The following SLC39A11 variants were observed in gnomAD, a reference collection of about 807,000 sequenced individuals.
SLC39A11 encodes solute carrier family 39 member 11, also known as zinc transporter ZIP11.
A neutral mutation model predicts 36.1 loss-of-function variants in SLC39A11; 33 were observed. The observed-to-expected ratio is 0.91, with a 90% CI of 0.69 to 1.22. SLC39A11 has a LOEUF of 1.22. Ranked by LOEUF, SLC39A11 falls within the 50% of genes most tolerant of loss-of-function variation. The pLI is 0.00. For missense variants in SLC39A11, 432 were observed against 430.3 expected, an observed-to-expected ratio of 1.00 and a Z score of -0.03; for synonymous variants, 166 against 170.3, an observed-to-expected ratio of 0.97 and a Z score of 0.20.
intron 3 of SLC39A11, chr17:73,068,308 G>A (rs941269207): frequency 1.3e-5 from 8 of 603,768 alleles, no homozygotes; most frequent in South Asian, 1.2e-4. Flanking sequence ...GAGAGACTCC[G>A]GGGTCTTTCT....
chr17:72,737,472 A>G (rs2074479471), intron 6 of SLC39A11, among the ~76,000 whole-genome samples: 1 of 152,170 alleles, frequency 6.6e-6, no homozygotes, highest in Admixed American at 6.5e-5. Context: ...TGGAACTTTC[A>G]TAACCCCTGG....
At chr17:72,680,952 G>GT (rs1163150771) in intron 7 of SLC39A11, among the ~76,000 whole-genome samples, 1 of 152,044 alleles carries the variant, frequency 6.6e-6, no homozygotes, top group Non-Finnish European at 1.5e-5. Flanking sequence ...TTCTTTGTTT[G>GT]TTTTTTTGAG....
chr17:72,737,245 C>T (rs1293439954), intron 6 of SLC39A11, among the ~76,000 whole-genome samples: 1 of 151,404 alleles, frequency 6.6e-6, no homozygotes, highest in African/African-American at 2.4e-5. Flanking sequence ...CACTGCACTC[C>T]AGCCTGGGTG....
At chr17:72,892,125 A>C (rs2081779935) in intron 5 of SLC39A11, among the ~76,000 whole-genome samples, 1 of 152,176 alleles carries the variant, frequency 6.6e-6, no homozygotes, top group Non-Finnish European at 1.5e-5. Context: ...AATTATAAAA[A>C]GTTATTAGAG....
chr17:72,713,774 C>T (rs1417317212), intron 7 of SLC39A11, among the ~76,000 whole-genome samples: 1 of 152,182 alleles, frequency 6.6e-6, no homozygotes, highest in Non-Finnish European at 1.5e-5. Flanking sequence ...CATCCCTCAT[C>T]TGAGGGTGAT....
chr17:72,950,156 A>G (rs917115316), intron 4 of SLC39A11, among the ~76,000 whole-genome samples: 1 of 152,242 alleles, frequency 6.6e-6, no homozygotes, highest in Non-Finnish European at 1.5e-5. Flanking sequence ...CGCTACTGTC[A>G]TCACTTATTT....
intron 5 of SLC39A11, among the ~76,000 whole-genome samples, chr17:72,888,537 T>C (rs918121661): frequency 3.3e-5 from 5 of 152,202 alleles, no homozygotes; most frequent in Non-Finnish European, 7.3e-5. Context: ...TTAGAAGGCA[T>C]GATCTTTTCA....
At chr17:72,964,380 C>A (rs2086819251) in intron 4 of SLC39A11, among the ~76,000 whole-genome samples, 1 of 152,200 alleles carries the variant, frequency 6.6e-6, no homozygotes, top group Non-Finnish European at 1.5e-5. Flanking sequence ...TCCGCATCAG[C>A]CACCTAACAG....
chr17:72,692,158 C>T (rs776637967), intron 7 of SLC39A11, among the ~76,000 whole-genome samples: 1 of 152,032 alleles, frequency 6.6e-6, no homozygotes, highest in Non-Finnish European at 1.5e-5. Flanking sequence ...ACTACAGGTG[C>T]CTGCCACCAC....
chr17:72,880,144 C>G (rs899604865), intron 5 of SLC39A11, among the ~76,000 whole-genome samples: 15 of 152,218 alleles, frequency 9.9e-5, no homozygotes, highest in Non-Finnish European at 1.9e-4. Flanking sequence ...ATCCTAAGAG[C>G]TCCCTACTCC....
At chr17:72,866,273 A>G (rs2080298098) in intron 5 of SLC39A11, among the ~76,000 whole-genome samples, 1 of 152,206 alleles carries the variant, frequency 6.6e-6, no homozygotes, top group Non-Finnish European at 1.5e-5. Flanking sequence ...ATGAGAATCT[A>G]ATGCCTGATG....
chr17:72,877,561 T>C (rs2080973280), intron 5 of SLC39A11, among the ~76,000 whole-genome samples: 1 of 152,134 alleles, frequency 6.6e-6, no homozygotes, highest in South Asian at 2.1e-4. Context: ...CCCCATTTGC[T>C]CATGAGAGGT....
intron 3 of SLC39A11, among the ~76,000 whole-genome samples, chr17:73,039,960 G>A (rs1293214267): frequency 6.6e-6 from 1 of 152,170 alleles, no homozygotes; most frequent in Non-Finnish European, 1.5e-5. Context: ...AAGAAATTCT[G>A]CGGGCTACAG....
intron 4 of SLC39A11, among the ~76,000 whole-genome samples, chr17:73,004,189 A>T (rs529883978): frequency 1.0e-5 from 1 of 97,420 alleles, no homozygotes; most frequent in African/African-American, 4.1e-5. Flanking sequence ...GAAAGAAAGA[A>T]AGAAAGAAAG....
At chr17:72,988,767 G>T (rs568960697) in intron 4 of SLC39A11, among the ~76,000 whole-genome samples, 1 of 151,958 alleles carries the variant, frequency 6.6e-6, no homozygotes, top group South Asian at 2.1e-4. Context: ...GGAGTGCAGC[G>T]GCATGATCTC....
chr17:72,768,878 A>G (rs1474197597), intron 6 of SLC39A11, among the ~76,000 whole-genome samples: 1 of 151,966 alleles, frequency 6.6e-6, no homozygotes, highest in African/African-American at 2.4e-5. Context: ...CTCCTGCCTC[A>G]GCCTCCCGAG....
intron 5 of SLC39A11, among the ~76,000 whole-genome samples, chr17:72,857,333 A>G (rs2079698393): frequency 6.6e-6 from 1 of 152,140 alleles, no homozygotes; most frequent in East Asian, 1.9e-4. Flanking sequence ...TTATGGATGC[A>G]TAGTATTCCA....
chr17:72,872,486 C>T (rs958731805), intron 5 of SLC39A11, among the ~76,000 whole-genome samples: 1 of 152,182 alleles, frequency 6.6e-6, no homozygotes, highest in South Asian at 2.1e-4. Context: ...GGGGCAGTGG[C>T]GTAGCTCCTA....
Position 73,025,213 on chromosome 17 carries a change from A to G in SLC39A11, c.306+6343T>C, listed in dbSNP as rs2058493998. ...CCCTCCTGGAGCCCGTCTGGGCAGG[A>G]CTGTTGGCCAAGTCCACGTGGAGGA... is the stretch of plus-strand genomic sequence containing the variant. On this transcript the variant is annotated intron_variant, in intron 4 of 9. Coordinates refer to ENST00000255559, the MANE Select transcript of SLC39A11 (RefSeq NM_139177.4). Among the ~76,000 whole-genome samples the G allele has an allele frequency of 2.0e-5, 3 of 152,158 alleles. No individual in the cohort carries two copies. In the South Asian group the frequency reaches 6.2e-4, roughly 32 times the overall value.
Sources: allele counts gnomAD v4.1 joint callset (sites outside exome capture counted in the v4.1 genomes callset), GRCh38; gene constraint gnomAD v4.1.1; transcripts MANE v1.5; gene names NCBI Gene and HGNC (gene_info 2026-07-23, HGNC 2026-07-21).